CYP4F12: variants seen among roughly 807,000 people sequenced by gnomAD.
The protein encoded by CYP4F12 is cytochrome P450 family 4 subfamily F member 12, also known as cytochrome P450 4F12.
Under a neutral mutation model 56.5 loss-of-function variants are expected in CYP4F12, and 60 were observed. The ratio of observed to expected loss-of-function variants is 1.06; its 90% CI spans 0.86 to 1.32. The LOEUF is 1.32. Ranked by LOEUF, CYP4F12 falls within the 40% of genes most tolerant of loss-of-function variation. CYP4F12 has a pLI of 0.00. For synonymous variants in CYP4F12, 263 were observed against 264.9 expected (o/e 0.99, Z 0.07); for missense variants, 711 against 683.5 (o/e 1.04, Z -0.45).
chr19:15,695,257 A>G (rs1195665273), intron 9 of CYP4F12, among the ~76,000 whole-genome samples: 1 of 151,398 alleles, frequency 6.6e-6, no homozygotes, highest in Non-Finnish European at 1.5e-5. Flanking sequence ...CAAAGACAAA[A>G]AAACCAAACA....
In CYP4F12 at chr19:15,685,123, C is replaced by T. The variant is rs2007536868; in HGVS notation, c.1041C>T (p.His347=). 6.2e-7 allele frequency: 1 copy of T among 1,614,176 alleles called. No individual in the cohort carries two copies. Among genetic ancestry groups the T allele is most frequent in the African/African-American group, 1.3e-5 (1 of 75,054 alleles). The change falls in exon 9 of 13, where the codon CAC becomes CAT. Residue 347 remains histidine, a synonymous_variant. Transcript: ENST00000550308. ...LSWVLYNLAR[H]PEYQERCRQE... ...GGGTCCTGTACAACCTTGCGAGGCA[C>T]CCAGAATACCAGGAGCGCTGCCGAC...
chr19:15,691,244 C>T (rs375024709), intron 9 of CYP4F12, among the ~76,000 whole-genome samples: 1 of 152,266 alleles, frequency 6.6e-6, no homozygotes. Context: ...TAAACATCTC[C>T]CCATCCATGT....
chr19:15,687,270 CTT>C (rs1203663820), intron 9 of CYP4F12, among the ~76,000 whole-genome samples: 164 of 64,816 alleles, frequency 2.5e-3, no homozygotes, highest in African/African-American at 0.011. Context: ...GAGTGAGACT[CTT>C]TCTCAAAAAA....
intron 2 of CYP4F12, among the ~76,000 whole-genome samples, chr19:15,674,719 T>C (rs891527866): frequency 6.6e-6 from 1 of 152,256 alleles, no homozygotes; most frequent in Admixed American, 6.5e-5. Flanking sequence ...ACCCACCGAC[T>C]CATTCCTTTC....
chr19:15,687,901 T>C (rs629871), intron 9 of CYP4F12, among the ~76,000 whole-genome samples: 42,842 of 151,896 alleles, frequency 0.28, 6,508 homozygotes, highest in African/African-American at 0.39. Flanking sequence ...CTAGCTCAGG[T>C]GAGGTCACAG....
At chr19:15,695,576 T>C (rs10407993) in intron 9 of CYP4F12, among the ~76,000 whole-genome samples, 42,895 of 151,808 alleles carry the variant, frequency 0.28, 6,556 homozygotes, top group African/African-American at 0.4. Flanking sequence ...ATCTCTAGCA[T>C]CACGCTAAAT....
intron 2 of CYP4F12, among the ~76,000 whole-genome samples, chr19:15,677,168 T>TG (rs2144710260): frequency 2.8e-5 from 3 of 108,536 alleles, no homozygotes; most frequent in Admixed American, 9.2e-5. Flanking sequence ...CTCATTCCTC[T>TG]CCTCACTAAT....
At chr19:15,693,143 A>G (rs1362077291) in intron 9 of CYP4F12, among the ~76,000 whole-genome samples, 1 of 149,160 alleles carries the variant, frequency 6.7e-6, no homozygotes, top group Non-Finnish European at 1.5e-5. Flanking sequence ...ATTTTTTAAG[A>G]TGCTTAAAAT....
rs768609077 is a variant in CYP4F12, at chr19:15,685,052, C to T, written c.986-16C>T. Reference sequence around the variant, plus strand: ...CCCTCCGGTGCTGAAGCCAAGCTTACCTGGCTGCTCCTCAGGCCATGACAC... The same window carrying T: ...CCCTCCGGTGCTGAAGCCAAGCTTATCTGGCTGCTCCTCAGGCCATGACAC... On this transcript the variant is annotated splice_polypyrimidine_tract_variant and intron_variant, in intron 8 of 12. Transcript: ENST00000550308. 1 of 1,609,814 alleles carries T rather than the reference C, an allele frequency of 6.2e-7. No homozygotes were observed. Among genetic ancestry groups the T allele is most frequent in the Non-Finnish European group, 8.5e-7 (1 of 1,177,274 alleles).
Position 15,696,955 on chromosome 19 carries a change from T to C in CYP4F12, c.1445T>C (p.Leu482Pro), listed in dbSNP as rs1184257053. 2 of 1,614,206 alleles carry C rather than the reference T, an allele frequency of 1.2e-6. No individual in the cohort carries two copies. The highest frequency in any genetic ancestry group is 1.3e-5 in the African/African-American group (1 of 75,082). ...GCCATGGCGGAGATGAAAGTGGTCC[T>C]GGCGTTGATGCTGCTGCACTTCCGG... ...AFAMAEMKVVLALMLLHFRFL... is the reference protein window; with the variant it reads ...AFAMAEMKVVPALMLLHFRFL... Residue 482 changes from leucine (L) to proline (P), a missense_variant, in exon 13 of 13, where the codon CTG (leucine) becomes CCG (proline). Physicochemically the swap from Leu to Pro is moderately conservative, Grantham distance 98 (BLOSUM62 -3). Transcript: ENST00000550308.
At chr19:15,674,678 C>G (rs1316260276) in intron 2 of CYP4F12, among the ~76,000 whole-genome samples, 7 of 148,230 alleles carry the variant, frequency 4.7e-5, no homozygotes, top group African/African-American at 1.9e-4. Context: ...TCCTCACTCA[C>G]TCATTCCTCT....
chr19:15,697,007 C>T lies in CYP4F12; in HGVS notation c.1497C>T (p.Arg499=). The change falls in exon 13 of 13, where the codon CGC becomes CGT. Residue 499 remains arginine (R), a synonymous_variant. Transcript: ENST00000550308. ...TCCTGCCAGACCACACTGAGCCCCG[C>T]AGGAAGCTGGAATTGATCATGCGCG... ...FRFLPDHTEP[R]RKLELIMRAE... 6.2e-7 allele frequency: 1 copy of T among 1,614,232 alleles called. No homozygotes were observed. The highest frequency in any genetic ancestry group is 1.3e-5 in the African/African-American group (1 of 75,076).
chr19:15,682,082 A>G (rs2007328995), intron 5 of CYP4F12: 1 of 266,380 alleles, frequency 3.8e-6, no homozygotes, highest in South Asian at 4.9e-5. Flanking sequence ...AAAGCAGATC[A>G]CCTTGACCGT....
In CYP4F12 at chr19:15,697,053, CG is replaced by C; in HGVS notation, c.1546del (p.Val516TrpfsTer4). 6.2e-7 allele frequency: 1 copy of C among 1,613,880 alleles called. No homozygotes were observed. Among genetic ancestry groups the C allele is most frequent in the Non-Finnish European group, 8.5e-7 (1 of 1,179,806 alleles). The part of the protein sequence containing the change: ...IMRAEGGLWL[R>X]VEPLNVSLQ ...GCGCGCCGAGGGCGGGCTTTGGCTG[CG>C]GGTGGAGCCCCTGAATGTAAGCTTG... On this transcript the variant is annotated frameshift_variant, in exon 13 of 13. Transcript: ENST00000550308. LOFTEE classifies it low-confidence loss of function (END_TRUNC).
At chr19:15,688,499 T>C (rs2007726464) in intron 9 of CYP4F12, among the ~76,000 whole-genome samples, 1 of 152,168 alleles carries the variant, frequency 6.6e-6, no homozygotes, top group Non-Finnish European at 1.5e-5. Context: ...TGTTCATGGA[T>C]TGGAAGAATC....
chr19:15,678,814 T>A (rs2007127140), intron 3 of CYP4F12, among the ~76,000 whole-genome samples: 1 of 152,182 alleles, frequency 6.6e-6, no homozygotes, highest in Admixed American at 6.5e-5. Flanking sequence ...GGCAGGATGA[T>A]GCAGTGGGCA....
At position 15,673,567 on chromosome 19, in the gene CYP4F12, C is replaced by G. The variant is rs16995376; in HGVS notation, c.38C>G (p.Pro13Arg). 2.5e-6 allele frequency: 4 copies of G among 1,613,786 alleles called. No individual in the cohort carries two copies. In the South Asian group the frequency reaches 4.4e-5, roughly 18 times the overall value. The change falls in exon 2 of 13, where the codon CCG (proline) becomes CGG (arginine). Residue 13 changes from proline to arginine, a missense_variant. Coordinates refer to ENST00000550308, the MANE Select transcript of CYP4F12 (RefSeq NM_023944.4). ...AGCCTGCCCTGGCTGGGCCTCAGAC[C>G]GGTGGCAACGTCCCCATGGCTACTC... ...LLSLPWLGLR[P>R]VATSPWLLLL...
intron 9 of CYP4F12, among the ~76,000 whole-genome samples, chr19:15,689,801 G>A (rs568261605): frequency 1.4e-4 from 22 of 152,256 alleles, no homozygotes; most frequent in East Asian, 1.9e-4. Flanking sequence ...GTCTTTTGCC[G>A]CAACTTGGAT....
intron 3 of CYP4F12, among the ~76,000 whole-genome samples, chr19:15,679,699 C>T (rs1244302995): frequency 6.6e-6 from 1 of 152,166 alleles, no homozygotes; most frequent in Non-Finnish European, 1.5e-5. Flanking sequence ...GAGCTAGGGT[C>T]TCTTTGGAAT....
Sources: allele counts gnomAD v4.1 joint callset (sites outside exome capture counted in the v4.1 genomes callset), GRCh38; gene constraint gnomAD v4.1.1; transcripts MANE v1.5; gene names NCBI Gene and HGNC (gene_info 2026-07-23, HGNC 2026-07-21).